ANKS1B: variants seen among roughly 807,000 people sequenced by gnomAD.
ANKS1B encodes the protein ankyrin repeat and sterile alpha motif domain-containing protein 1B.
A neutral mutation model predicts 148.3 loss-of-function variants in ANKS1B; 36 were observed. That is an observed-to-expected ratio of 0.24 (90% CI 0.19 to 0.32). The LOEUF is 0.32. Among genes scored for constraint, ANKS1B ranks in the 10% least tolerant of loss-of-function variants. The probability of loss-of-function intolerance (pLI) is 1.00; values close to 1 mark genes in which losing one functional copy is unlikely to be tolerated. For synonymous variants in ANKS1B, 542 were observed against 560.8 expected, an observed-to-expected ratio of 0.97 and a Z score of 0.47; for missense variants, 1,157 against 1,542.6, an observed-to-expected ratio of 0.75 and a Z score of 4.19.
chr12:98,975,230 CTCCT>C (rs150543776), intron 17 of ANKS1B, among the ~76,000 whole-genome samples: 11,407 of 135,310 alleles, frequency 0.084, 1,108 homozygotes, highest in African/African-American at 0.23. Flanking sequence ...TCCCTCCCAT[CTCCT>C]TCCTTCCTTC....
At chr12:99,500,963 G>A (rs1404725225) in intron 10 of ANKS1B, among the ~76,000 whole-genome samples, 5 of 151,870 alleles carry the variant, frequency 3.3e-5, no homozygotes, top group Non-Finnish European at 7.4e-5. Flanking sequence ...AAAATTTCTT[G>A]TGGCTTAATT....
intron 8 of ANKS1B, among the ~76,000 whole-genome samples, chr12:99,717,979 C>G (rs886871400): frequency 6.7e-6 from 1 of 148,702 alleles, no homozygotes; most frequent in Non-Finnish European, 1.5e-5. Context: ...TCTCGGCTCA[C>G]TGCAAGCTCC....
At chr12:99,813,503 G>A (rs1160416051) in intron 2 of ANKS1B, among the ~76,000 whole-genome samples, 1 of 151,380 alleles carries the variant, frequency 6.6e-6, no homozygotes, top group Non-Finnish European at 1.5e-5. Flanking sequence ...GACTCTAGAT[G>A]CAAGTAACAA....
At chr12:99,459,685 T>A (rs2095915234) in intron 10 of ANKS1B, among the ~76,000 whole-genome samples, 1 of 151,482 alleles carries the variant, frequency 6.6e-6, no homozygotes, top group Admixed American at 6.6e-5. Context: ...AAATTAGGAA[T>A]ATACTCAACC....
intron 12 of ANKS1B, among the ~76,000 whole-genome samples, chr12:99,312,582 C>T (rs538428951): frequency 1.3e-5 from 2 of 152,194 alleles, no homozygotes; most frequent in African/African-American, 4.8e-5. Context: ...AGCAGCTTTC[C>T]TATCTTGTAT....
At chr12:99,633,014 G>A (rs2098188532) in intron 9 of ANKS1B, among the ~76,000 whole-genome samples, 1 of 146,340 alleles carries the variant, frequency 6.8e-6, no homozygotes, top group East Asian at 2.1e-4. Context: ...GCCATGTTTG[G>A]TTTTTGTCCT....
At chr12:99,661,768 G>A (rs1198093954) in intron 8 of ANKS1B, among the ~76,000 whole-genome samples, 1 of 152,146 alleles carries the variant, frequency 6.6e-6, no homozygotes, top group Non-Finnish European at 1.5e-5. Flanking sequence ...TTTTAGCTGG[G>A]CACATGTATT....
At chr12:98,867,222 A>T (rs537398126) in intron 17 of ANKS1B, among the ~76,000 whole-genome samples, 1 of 152,190 alleles carries the variant, frequency 6.6e-6, no homozygotes, top group Admixed American at 6.5e-5. Flanking sequence ...CAACTGGATT[A>T]CTCTGATCCC....
At chr12:99,951,430 C>A (rs1006157890) in intron 1 of ANKS1B, among the ~76,000 whole-genome samples, 14 of 152,166 alleles carry the variant, frequency 9.2e-5, no homozygotes, top group Non-Finnish European at 1.9e-4. Flanking sequence ...AACTCAGAGA[C>A]ATAAAACAAT....
intron 8 of ANKS1B, among the ~76,000 whole-genome samples, chr12:99,767,398 A>G (rs1026686748): frequency 1.3e-5 from 2 of 151,786 alleles, no homozygotes; most frequent in Non-Finnish European, 2.9e-5. Flanking sequence ...GTTCTATTAC[A>G]AATGTTTAAA....
At chr12:98,950,860 G>C (rs953132680) in intron 17 of ANKS1B, among the ~76,000 whole-genome samples, 4 of 152,222 alleles carry the variant, frequency 2.6e-5, no homozygotes, top group Admixed American at 1.3e-4. Flanking sequence ...TAAACTCCTG[G>C]GTTCAAGGAA....
At chr12:99,052,338 T>C (rs897040010) in intron 17 of ANKS1B, among the ~76,000 whole-genome samples, 17 of 152,342 alleles carry the variant, frequency 1.1e-4, no homozygotes, top group Middle Eastern at 6.8e-3. Context: ...GATTAGACAC[T>C]AGCTTCAGAA....
At chr12:99,896,581 C>G (rs2093396346) in intron 1 of ANKS1B, among the ~76,000 whole-genome samples, 1 of 151,050 alleles carries the variant, frequency 6.6e-6, no homozygotes, top group African/African-American at 2.4e-5. Context: ...TATAAAGAGC[C>G]ATCTCTGGTG....
chr12:99,053,127 AGTTAAG>A, intron 17 of ANKS1B, 24 bp downstream of exon 17: 1 of 1,550,232 alleles, frequency 6.5e-7, no homozygotes, highest in Non-Finnish European at 8.7e-7. Context: ...AGGGTTGAAT[AGTTAAG>A]GTGTCACTAA....
rs2098468328 is a variant in ANKS1B, at chr12:99,659,942, A to T, written c.1129-4732T>A. 3.9e-5 allele frequency among the ~76,000 whole-genome samples: 6 copies of T among 152,296 alleles called. 1 individual carries two copies. The South Asian group carries it at 1.2e-3, about 32-fold the overall frequency. ...ACTAGAACTCTTCAAGGGGACAACAAATGTTCAAGATTGTCAATGCAAAGG... is the reference window on the plus strand; with the variant it reads ...ACTAGAACTCTTCAAGGGGACAACATATGTTCAAGATTGTCAATGCAAAGG... On this transcript the variant is annotated intron_variant, in intron 8 of 26. Coordinates refer to ENST00000683438, the MANE Select transcript of ANKS1B (RefSeq NM_001352186.2).
chr12:99,933,564 C>T (rs1235373449), intron 1 of ANKS1B, among the ~76,000 whole-genome samples: 2 of 151,988 alleles, frequency 1.3e-5, no homozygotes, highest in Admixed American at 6.6e-5. Context: ...GCATATAGAA[C>T]ACTACTGATT....
intron 10 of ANKS1B, among the ~76,000 whole-genome samples, chr12:99,451,075 G>A (rs2095725560): frequency 1.3e-5 from 2 of 152,074 alleles, no homozygotes; most frequent in Non-Finnish European, 2.9e-5. Context: ...ACAAAATATT[G>A]CTGATAAAAA....
intron 12 of ANKS1B, among the ~76,000 whole-genome samples, chr12:99,298,098 G>A (rs1161478140): frequency 6.6e-6 from 1 of 152,070 alleles, no homozygotes; most frequent in Non-Finnish European, 1.5e-5. Context: ...TCTGTCATCT[G>A]TCTATACCTG....
At chr12:99,863,918 A>C (rs1380149887) in intron 1 of ANKS1B, among the ~76,000 whole-genome samples, 1 of 151,252 alleles carries the variant, frequency 6.6e-6, no homozygotes, top group Admixed American at 6.6e-5. Context: ...AAAATACAGA[A>C]ATTAGCTGGG....
Sources: gnomAD v4.1 joint callset for allele counts (sites outside exome capture counted in the v4.1 genomes callset) on GRCh38, gnomAD v4.1.1 for gene constraint, MANE v1.5 for transcripts, NCBI Gene and HGNC (gene_info 2026-07-23, HGNC 2026-07-21) for gene names.